Variants in SLIT3 observed in about 807,000 individuals in gnomAD.
SLIT3 encodes slit homolog 3 protein.
Under a neutral mutation model 184.0 loss-of-function variants are expected in SLIT3, and 68 were observed. The ratio of observed to expected loss-of-function variants is 0.37; its 90% CI spans 0.30 to 0.45. The LOEUF is 0.45. Ranked by LOEUF, SLIT3 falls within the 20% of genes least tolerant of loss-of-function variation. SLIT3 has a pLI of 1.00. For missense variants in SLIT3, 1,707 were observed against 2,026.0 expected, an observed-to-expected ratio of 0.84 and a Z score of 3.02; for synonymous variants, 831 against 828.6, an observed-to-expected ratio of 1.00 and a Z score of -0.05.
At chr5:169,128,605 A>G (rs1761172396) in intron 4 of SLIT3, among the ~76,000 whole-genome samples, 1 of 151,822 alleles carries the variant, frequency 6.6e-6, no homozygotes, top group African/African-American at 2.4e-5. Flanking sequence ...ATGTTTTTGT[A>G]TTTTTAGTAG....
chr5:169,000,614 T>A (rs1033483282), intron 4 of SLIT3, among the ~76,000 whole-genome samples: 4 of 152,156 alleles, frequency 2.6e-5, no homozygotes, highest in African/African-American at 7.2e-5. Context: ...TTAAGGGTGT[T>A]AGAAGTCAGA....
intron 4 of SLIT3, among the ~76,000 whole-genome samples, chr5:168,971,615 A>G (rs189523378): frequency 1.6e-4 from 25 of 152,368 alleles, no homozygotes; most frequent in Admixed American, 1.6e-3. Flanking sequence ...TCTGTCTTCA[A>G]TCATTGAGAA....
At chr5:168,822,364 A>C (rs1377864916) in intron 7 of SLIT3, among the ~76,000 whole-genome samples, 1 of 152,158 alleles carries the variant, frequency 6.6e-6, no homozygotes, top group Admixed American at 6.5e-5. Context: ...GAGGAAACAG[A>C]GCTAATAAAG....
chr5:168,750,697 T>C (rs564031598), intron 18 of SLIT3, among the ~76,000 whole-genome samples: 3 of 152,236 alleles, frequency 2.0e-5, no homozygotes, highest in East Asian at 3.9e-4. Context: ...AGTTCACTGA[T>C]GTTAGCTCCC....
At chr5:168,904,167 G>A (rs1283833941) in intron 4 of SLIT3, among the ~76,000 whole-genome samples, 1 of 152,128 alleles carries the variant, frequency 6.6e-6, no homozygotes, top group Non-Finnish European at 1.5e-5. Flanking sequence ...GCTGAGTAGG[G>A]GGAGACAATG....
At chr5:169,137,329 C>CAGAGAGAGAG (rs573469556) in intron 4 of SLIT3, among the ~76,000 whole-genome samples, 8,905 of 96,660 alleles carry the variant, frequency 0.092, 300 homozygotes, top group Non-Finnish European at 0.12. Flanking sequence ...CACACACACA[C>CAGAGAGAGAG]ACACACAGAG....
intron 4 of SLIT3, among the ~76,000 whole-genome samples, chr5:169,117,396 G>A (rs1760712921): frequency 6.6e-6 from 1 of 152,110 alleles, no homozygotes; most frequent in South Asian, 2.1e-4. Context: ...CAATTACTGT[G>A]CATGTTCTCC....
At chr5:169,072,451 G>T (rs1005651067) in intron 4 of SLIT3, among the ~76,000 whole-genome samples, 11 of 152,192 alleles carry the variant, frequency 7.2e-5, no homozygotes, top group Non-Finnish European at 1.0e-4. Context: ...CTGCACAAAG[G>T]CAACTCTCAC....
At chr5:168,924,395 C>G (rs982202514) in intron 4 of SLIT3, among the ~76,000 whole-genome samples, 3 of 152,202 alleles carry the variant, frequency 2.0e-5, no homozygotes, top group Admixed American at 2.0e-4. Flanking sequence ...CCTCCCCTCT[C>G]AAACCCTTCT....
intron 27 of SLIT3, among the ~76,000 whole-genome samples, chr5:168,698,219 G>C (rs894621789): frequency 1.3e-5 from 2 of 152,168 alleles, no homozygotes; most frequent in Admixed American, 1.3e-4. Flanking sequence ...GTTGAATTGT[G>C]TTCCCCCCAA....
intron 20 of SLIT3, among the ~76,000 whole-genome samples, chr5:168,741,193 A>C (rs1763622735): frequency 6.6e-6 from 1 of 152,198 alleles, no homozygotes; most frequent in African/African-American, 2.4e-5. Flanking sequence ...ATGTGCCTCC[A>C]GGCACGGAGG....
rs186154590 is a variant in SLIT3, at chr5:168,899,557, G to C, written c.414-16221C>G. On this transcript the variant is annotated intron_variant, in intron 4 of 35. Transcript: ENST00000519560. ...AAAGCAAAGATGACAAGTACATGAT[G>C]CTGGGCATTTGTACTACTGTTGTGG... is the stretch of plus-strand genomic sequence containing the variant. Among the ~76,000 whole-genome samples, 327 of 152,244 alleles carry C rather than the reference G, an allele frequency of 2.1e-3. 3 individuals are homozygous for C. The highest frequency in any genetic ancestry group is 7.5e-3 in the African/African-American group (313 of 41,528).
intron 4 of SLIT3, among the ~76,000 whole-genome samples, chr5:168,972,372 TGTGTGA>T (rs1754608940): frequency 6.6e-6 from 1 of 151,378 alleles, no homozygotes; most frequent in African/African-American, 2.4e-5. Flanking sequence ...TGTGTGTGTG[TGTGTGA>T]AGAGAGAAAT....
chr5:169,179,572 G>T (rs548554227), intron 4 of SLIT3, among the ~76,000 whole-genome samples: 1 of 152,230 alleles, frequency 6.6e-6, no homozygotes, highest in East Asian at 1.9e-4. Flanking sequence ...AGAGATTCTA[G>T]CATAGGCTGT....
chr5:168,708,374 G>C (rs1193973183), intron 25 of SLIT3: 3 of 518,610 alleles, frequency 5.8e-6, no homozygotes, highest in African/African-American at 1.9e-5. Context: ...ATCCGATTTT[G>C]GTGCTAATCT....
At chr5:168,685,648 G>A (rs1438927098) in intron 31 of SLIT3, 39 bp downstream of exon 31, 1 of 1,512,532 alleles carries the variant, frequency 6.6e-7, no homozygotes, top group Admixed American at 2.2e-5. Flanking sequence ...TTGTGGGCAT[G>A]TTGAGGTCCT....
intron 4 of SLIT3, among the ~76,000 whole-genome samples, chr5:169,041,653 G>C (rs1489865047): frequency 6.6e-6 from 1 of 152,134 alleles, no homozygotes; most frequent in East Asian, 1.9e-4. Context: ...ATGAAATGTT[G>C]GGAAAGAAAG....
chr5:169,088,393 T>A (rs1759406240), intron 4 of SLIT3, among the ~76,000 whole-genome samples: 1 of 149,632 alleles, frequency 6.7e-6, no homozygotes, highest in South Asian at 2.1e-4. Context: ...GTTCTTTTTC[T>A]TCGATTTTTT....
intron 4 of SLIT3, among the ~76,000 whole-genome samples, chr5:168,889,274 C>A (rs1760345677): frequency 6.6e-6 from 1 of 152,160 alleles, no homozygotes; most frequent in South Asian, 2.1e-4. Context: ...GGGTCACTGT[C>A]AAAATCAAAT....
Sources: gnomAD v4.1 joint callset for allele counts (sites outside exome capture counted in the v4.1 genomes callset) on GRCh38, gnomAD v4.1.1 for gene constraint, MANE v1.5 for transcripts, NCBI Gene and HGNC (gene_info 2026-07-23, HGNC 2026-07-21) for gene names.